WIPF1: variants seen among roughly 807,000 people sequenced by gnomAD.
WIPF1 encodes the protein WAS/WASL interacting protein family member 1, also known as WAS/WASL-interacting protein family member 1.
WIPF1 carries 13 observed loss-of-function variants against 35.4 expected under a neutral mutation model. The observed-to-expected ratio is 0.37, with a 90% CI of 0.24 to 0.58. The LOEUF is 0.58. Among genes scored for constraint, WIPF1 ranks in the 20% least tolerant of loss-of-function variants. The pLI is 0.74. For missense variants in WIPF1, 591 were observed against 667.0 expected (o/e 0.89, Z 1.25); for synonymous variants, 267 against 266.3 (o/e 1.00, Z -0.02).
At chr2:174,633,976 A>G (rs1200779375) in intron 1 of WIPF1, among the ~76,000 whole-genome samples, 1 of 152,224 alleles carries the variant, frequency 6.6e-6, no homozygotes, top group Non-Finnish European at 1.5e-5. Context: ...TAGAAAAAAT[A>G]AAAAAAGGAA....
chr2:174,639,824 T>C (rs886300202), intron 1 of WIPF1, among the ~76,000 whole-genome samples: 3 of 152,212 alleles, frequency 2.0e-5, no homozygotes, highest in Non-Finnish European at 2.9e-5. Flanking sequence ...TTTTGTCTAG[T>C]AGTTTTACAG....
Position 174,571,962 on chromosome 2 carries a change from C to T in WIPF1, c.843G>A (p.Ala281=), listed in dbSNP as rs369696922. 64 of 1,569,176 alleles carry T rather than the reference C, an allele frequency of 4.1e-5. No individual in the cohort carries two copies. The highest frequency in any genetic ancestry group is 1.7e-4 in the Middle Eastern group (1 of 5,802). The part of the protein sequence containing the change: ...VGNRPSIHRE[A]VPPPPPQNNK... ...TGTTCTGAGGAGGAGGAGGGGGAACCGCTTCCCTGTGGATGGAGGGCCTGT... is the reference window on the plus strand; with the variant it reads ...TGTTCTGAGGAGGAGGAGGGGGAACTGCTTCCCTGTGGATGGAGGGCCTGT... The change falls in exon 5 of 8, where the codon GCG becomes GCA. Residue 281 remains alanine, a synonymous_variant. Transcript: ENST00000679041. The surrounding 1 kb of genome is among the most constrained non-coding windows in gnomAD (Gnocchi z 4.6).
intron 7 of WIPF1, among the ~76,000 whole-genome samples, chr2:174,563,601 A>G (rs562634826): frequency 6.6e-6 from 1 of 152,278 alleles, no homozygotes; most frequent in Non-Finnish European, 1.5e-5. Context: ...CAAGCTATTC[A>G]TGGGCTATCA....
intron 1 of WIPF1, among the ~76,000 whole-genome samples, chr2:174,681,286 A>G (rs1688240071): frequency 6.6e-6 from 1 of 152,218 alleles, no homozygotes; most frequent in African/African-American, 2.4e-5. Context: ...TGGGATTTGC[A>G]GACTATAGCA....
In WIPF1 at chr2:174,572,368, C is replaced by T. The variant is rs891590722; in HGVS notation, c.437G>A (p.Gly146Asp). ...TSAKPFSPPS[G>D]PGRFPVPSPG... ...AGAAGGCACAGGAAACCTCCCTGGG[C>T]CACTTGGGGGTGAAAAGGGTTTCGC... The change falls in exon 5 of 8, where the codon GGC becomes GAC. Residue 146 changes from glycine (G) to aspartate (D), a missense_variant. Gly to Asp is a moderately conservative substitution (Grantham distance 94). Coordinates refer to ENST00000679041, the MANE Select transcript of WIPF1 (RefSeq NM_001375834.1). The T allele has an allele frequency of 6.2e-6, 10 of 1,613,960 alleles. No homozygotes were observed. Among genetic ancestry groups the T allele is most frequent in the Non-Finnish European group, 8.5e-6 (10 of 1,180,022 alleles).
chr2:174,652,298 C>T (rs1465490165), intron 1 of WIPF1, among the ~76,000 whole-genome samples: 1 of 152,128 alleles, frequency 6.6e-6, no homozygotes, highest in Non-Finnish European at 1.5e-5. Context: ...GTCTGGTGCA[C>T]TAACATTTTG....
At chr2:174,649,249 T>C (rs188235713) in intron 1 of WIPF1, among the ~76,000 whole-genome samples, 160 of 152,346 alleles carry the variant, frequency 1.1e-3, no homozygotes, top group Non-Finnish European at 2.0e-3. Context: ...ATCTGTGTAT[T>C]GGGTACACAC....
intron 1 of WIPF1, among the ~76,000 whole-genome samples, chr2:174,628,985 A>C (rs1249711689): frequency 6.6e-6 from 1 of 152,266 alleles, no homozygotes; most frequent in African/African-American, 2.4e-5. Context: ...AGAGGAAAAA[A>C]ATAGTTTTTG....
chr2:174,610,613 C>A (rs1287479607), intron 1 of WIPF1, among the ~76,000 whole-genome samples: 1 of 152,128 alleles, frequency 6.6e-6, no homozygotes, highest in Non-Finnish European at 1.5e-5. Flanking sequence ...AAACAAAAAA[C>A]ACACAAAAAT....
intron 2 of WIPF1, among the ~76,000 whole-genome samples, chr2:174,585,067 A>G (rs1322635785): frequency 6.6e-6 from 1 of 152,180 alleles, no homozygotes; most frequent in African/African-American, 2.4e-5. Flanking sequence ...AGAAGAGGGG[A>G]AAAGGCAGAA....
At chr2:174,646,701 C>T (rs546774043) in intron 1 of WIPF1, among the ~76,000 whole-genome samples, 34 of 152,248 alleles carry the variant, frequency 2.2e-4, no homozygotes, top group African/African-American at 8.2e-4. Context: ...ATTGCAACCT[C>T]CACCTCCCAG....
At chr2:174,679,060 C>A (rs1688196435) in intron 1 of WIPF1, among the ~76,000 whole-genome samples, 1 of 152,126 alleles carries the variant, frequency 6.6e-6, no homozygotes, top group South Asian at 2.1e-4. Context: ...AATAATAGTC[C>A]ACAAATACTG....
chr2:174,594,985 C>G (rs1292153806), intron 1 of WIPF1, among the ~76,000 whole-genome samples: 2 of 147,542 alleles, frequency 1.4e-5, no homozygotes, highest in African/African-American at 5.0e-5. Context: ...TGTCGTAGCT[C>G]ATGACTATAA....
At chr2:174,604,490 A>G (rs545433615) in intron 1 of WIPF1, among the ~76,000 whole-genome samples, 38 of 152,382 alleles carry the variant, frequency 2.5e-4, no homozygotes, top group African/African-American at 8.7e-4. Context: ...AAGTCTCTTC[A>G]CAATGTATAT....
At chr2:174,616,393 C>T (rs1285275687) in intron 1 of WIPF1, among the ~76,000 whole-genome samples, 1 of 152,106 alleles carries the variant, frequency 6.6e-6, no homozygotes, top group Admixed American at 6.5e-5. Context: ...GAGGCCTCGA[C>T]CCCTGCTGGA....
intron 1 of WIPF1, among the ~76,000 whole-genome samples, chr2:174,672,433 T>G (rs546213072): frequency 2.0e-5 from 3 of 152,370 alleles, no homozygotes; most frequent in African/African-American, 7.2e-5. Context: ...ATATTCCTTC[T>G]TTAGCAAGTA....
Position 174,562,586 on chromosome 2 carries a change from T to C in WIPF1, c.1473A>G (p.Arg491=), listed in dbSNP as rs1451007890. The change falls in exon 8 of 8, where the codon AGA becomes AGG. Residue 491 remains arginine, a synonymous_variant. Transcript: ENST00000679041. ...GAGGGAGTGGTGGAGCACCCCTTTC[T>C]CTTCGGTTGGATCCACCTTGGTGAA... is the stretch of plus-strand genomic sequence containing the variant. ...RNESRSGSNR[R]ERGAPPLPPI... 6.2e-7 allele frequency: 1 copy of C among 1,614,170 alleles called. No homozygotes were observed. Among genetic ancestry groups the C allele is most frequent in the Non-Finnish European group, 8.5e-7 (1 of 1,180,026 alleles).
At chr2:174,674,308 A>C (rs967571354) in intron 1 of WIPF1, among the ~76,000 whole-genome samples, 15 of 152,248 alleles carry the variant, frequency 9.9e-5, no homozygotes, top group African/African-American at 3.4e-4. Flanking sequence ...CTTTGTCTTC[A>C]GATTTTTGGA....
At chr2:174,588,419 C>A (rs933499730) in intron 1 of WIPF1, among the ~76,000 whole-genome samples, 1 of 152,120 alleles carries the variant, frequency 6.6e-6, no homozygotes, top group African/African-American at 2.4e-5. Flanking sequence ...GTCATGAGTT[C>A]GGCTCTCGTA....
Sources: allele counts gnomAD v4.1 joint callset (sites outside exome capture counted in the v4.1 genomes callset), GRCh38; gene constraint gnomAD v4.1.1; non-coding constraint Gnocchi (gnomAD v3.1); transcripts MANE v1.5; gene names NCBI Gene and HGNC (gene_info 2026-07-23, HGNC 2026-07-21).